ZNF808: variants seen among roughly 807,000 people sequenced by gnomAD.
The protein encoded by ZNF808 is zinc finger protein 808.
A neutral mutation model predicts 8.7 loss-of-function variants in ZNF808; 5 were observed. The ratio of observed to expected loss-of-function variants is 0.58; its 90% CI spans 0.30 to 1.21. The LOEUF (loss-of-function observed/expected upper bound fraction) is 1.21. ZNF808 is among the 50% of genes most tolerant of loss of function. The pLI is 0.07. For synonymous variants in ZNF808, 380 were observed against 366.0 expected, an observed-to-expected ratio of 1.04 and a Z score of -0.44; for missense variants, 1,103 against 1,098.4, an observed-to-expected ratio of 1.00 and a Z score of -0.06.
intron 4 of ZNF808, among the ~76,000 whole-genome samples, chr19:52,549,577 T>A (rs887846980): frequency 6.6e-6 from 1 of 152,126 alleles, no homozygotes; most frequent in Non-Finnish European, 1.5e-5. Context: ...TATTTTAACA[T>A]TTGCTCAATT....
intron 4 of ZNF808, among the ~76,000 whole-genome samples, chr19:52,550,369 T>TA (rs1334932317): frequency 6.6e-6 from 1 of 152,082 alleles, no homozygotes. Flanking sequence ...TAGCTGGGAT[T>TA]AGAGGCATGC....
chr19:52,531,429 C>G (rs185951710), intron 1 of ZNF808, among the ~76,000 whole-genome samples: 1 of 151,916 alleles, frequency 6.6e-6, no homozygotes, highest in Non-Finnish European at 1.5e-5. Context: ...GAGCCAAGAT[C>G]GCGCCATTGC....
rs1465776038 is a variant in ZNF808 at position 52,554,634 on chromosome 19, G to A, written c.1718G>A (p.Gly573Glu). ...AKKPYKCNEC[G>E]KAFNQQSHLS... is the part of the protein sequence containing the mutation. ...AAACCTTACAAGTGTAATGAATGTG[G>A]GAAAGCTTTTAATCAACAATCACAT... The change falls in exon 5 of 5, where the codon GGG becomes GAG. Residue 573 changes from glycine (G) to glutamate (E), a missense_variant. Physicochemically the swap from Gly to Glu is moderately conservative, Grantham distance 98. Transcript: ENST00000359798. The A allele has an allele frequency of 1.9e-6, 3 of 1,613,796 alleles. No homozygotes were observed. Among genetic ancestry groups the A allele is most frequent in the East Asian group, 2.2e-5 (1 of 44,854 alleles).
downstream of ZNF808, among the ~76,000 whole-genome samples, chr19:52,560,025 A>G (rs1395746655): frequency 1.3e-5 from 2 of 152,202 alleles, no homozygotes; most frequent in African/African-American, 2.4e-5. Flanking sequence ...TTTGTTAACT[A>G]TCACAATGAT....
chr19:52,552,705 T>G (rs576247226), intron 4 of ZNF808, among the ~76,000 whole-genome samples: 40 of 145,636 alleles, frequency 2.7e-4, no homozygotes, highest in African/African-American at 1.1e-3. Flanking sequence ...GTTGTGTGGT[T>G]TTTTTTTTTT....
At chr19:52,564,423 C>CA (rs201895425) in exon 4 of ZNF808, 611 of 277,584 alleles carry the variant, frequency 2.2e-3, no homozygotes, top group Middle Eastern at 3.4e-3. Context: ...CCTTTCATTT[C>CA]AAAAAAAAAA....
chr19:52,535,909 GTC>G (rs1178638309), intron 2 of ZNF808: 1 of 152,168 alleles, frequency 6.6e-6, no homozygotes, highest in African/African-American at 2.4e-5. Flanking sequence ...AAAGGGCAAG[GTC>G]TCTCTGCCTC....
downstream of ZNF808, among the ~76,000 whole-genome samples, chr19:52,560,202 T>G (rs1192649473): frequency 6.6e-6 from 1 of 151,966 alleles, no homozygotes; most frequent in African/African-American, 2.4e-5. Context: ...GGCAGGTGAC[T>G]GTAATGCCAG....
chr19:52,555,590 C>A lies in ZNF808; in HGVS notation c.2674C>A (p.His892Asn). 6.2e-7 allele frequency: 1 copy of A among 1,608,444 alleles called. No homozygotes were observed. The highest frequency in any genetic ancestry group is 1.3e-5 in the African/African-American group (1 of 74,744). Reference sequence around the variant, plus strand: ...CTTTAGTGACCGGTCAACACTTATTCACCATCAGGCAATTCATGGTATAGG... The same window carrying A: ...CTTTAGTGACCGGTCAACACTTATTAACCATCAGGCAATTCATGGTATAGG... ...KAFSDRSTLIHHQAIHGIGKF... is the reference protein window; with the variant it reads ...KAFSDRSTLINHQAIHGIGKF... The change falls in exon 5 of 5, where the codon CAC becomes AAC. Residue 892 changes from histidine to asparagine, a missense_variant. By Grantham distance (68) the His-to-Asn change is moderately conservative (BLOSUM62 1). Transcript: ENST00000359798.
chr19:52,533,331 A>T (rs142136320), intron 2 of ZNF808, among the ~76,000 whole-genome samples: 76 of 152,016 alleles, frequency 5.0e-4, no homozygotes, highest in Non-Finnish European at 7.9e-4. Context: ...GGTACATGAG[A>T]TTCTACTGCT....
intron 2 of ZNF808, among the ~76,000 whole-genome samples, chr19:52,537,961 G>A (rs777989590): frequency 2.8e-5 from 4 of 140,952 alleles, no homozygotes; most frequent in Non-Finnish European, 6.0e-5. Context: ...CCCATGGTGG[G>A]GTAGGAAGTG....
chr19:52,543,634 C>T (rs1367179765), intron 3 of ZNF808, among the ~76,000 whole-genome samples: 5 of 152,086 alleles, frequency 3.3e-5, no homozygotes, highest in African/African-American at 4.8e-5. Context: ...GGTGTGGGCC[C>T]GTTGATGTCA....
chr19:52,535,521 CTG>C (rs2059599561), intron 2 of ZNF808, among the ~76,000 whole-genome samples: 1 of 152,032 alleles, frequency 6.6e-6, no homozygotes, highest in Non-Finnish European at 1.5e-5. Flanking sequence ...CGCATCCCTG[CTG>C]TGTTTAGGCA....
downstream of ZNF808, among the ~76,000 whole-genome samples, chr19:52,566,370 TAGTC>T (rs1050776279): frequency 2.0e-4 from 31 of 152,204 alleles, no homozygotes; most frequent in African/African-American, 6.7e-4. Flanking sequence ...TTCATTATGT[TAGTC>T]AGGCTGGTCT....
chr19:52,566,381 G>A (rs1171109109), downstream of ZNF808, among the ~76,000 whole-genome samples: 1 of 151,970 alleles, frequency 6.6e-6, no homozygotes, highest in African/African-American at 2.4e-5. Context: ...AGTCAGGCTG[G>A]TCTTGAATTC....
In ZNF808 at chr19:52,553,389, C is replaced by G; in HGVS notation, c.473C>G (p.Ser158Ter). 6.2e-7 allele frequency: 1 copy of G among 1,614,170 alleles called. No homozygotes were observed. The highest frequency in any genetic ancestry group is 8.5e-7 in the Non-Finnish European group (1 of 1,180,024). Residue 158 changes from serine to a stop codon, truncating the protein, a stop_gained, in exon 5 of 5, where the codon TCA becomes TGA. Coordinates refer to ENST00000359798, the MANE Select transcript of ZNF808 (RefSeq NM_001039886.4). LOFTEE classifies it low-confidence loss of function (END_TRUNC). ...AAGCCTATTAAAGATCAGCTTGGAT[C>G]AAGCTTTTATTCACATCTGCCTGAA... is the stretch of plus-strand genomic sequence containing the variant. ...GNKPIKDQLG[S>*]SFYSHLPELH...
chr19:52,545,317 G>A (rs1304414478), intron 3 of ZNF808, among the ~76,000 whole-genome samples: 1 of 152,196 alleles, frequency 6.6e-6, no homozygotes, highest in Non-Finnish European at 1.5e-5. Context: ...TTAGAGGTGG[G>A]CCACCACGTG....
intron 3 of ZNF808, among the ~76,000 whole-genome samples, chr19:52,562,967 G>T (rs2059862677): frequency 6.6e-6 from 1 of 151,906 alleles, no homozygotes; most frequent in Non-Finnish European, 1.5e-5. Flanking sequence ...GTAGAGATGG[G>T]GTTTCACCAT....
At chr19:52,550,495 G>A (rs1343033870) in intron 4 of ZNF808, among the ~76,000 whole-genome samples, 4 of 151,416 alleles carry the variant, frequency 2.6e-5, no homozygotes, top group African/African-American at 9.7e-5. Context: ...CTCCCAAAGT[G>A]CTGGGATTAC....
Sources: allele counts gnomAD v4.1 joint callset (sites outside exome capture counted in the v4.1 genomes callset), GRCh38; gene constraint gnomAD v4.1.1; transcripts MANE v1.5; gene names NCBI Gene and HGNC (gene_info 2026-07-23, HGNC 2026-07-21).